PHF21A: variants seen among roughly 807,000 people sequenced by gnomAD.
PHF21A encodes PHD finger protein 21A.
A neutral mutation model predicts 82.5 loss-of-function variants in PHF21A; 11 were observed. The ratio of observed to expected loss-of-function variants is 0.13; its 90% CI spans 0.08 to 0.22. The LOEUF (loss-of-function observed/expected upper bound fraction) is 0.22. Ranked by LOEUF, PHF21A falls within the 10% of genes least tolerant of loss-of-function variation. PHF21A has a pLI of 1.00. For missense variants in PHF21A, 579 were observed against 837.8 expected, an observed-to-expected ratio of 0.69 and a Z score of 3.81; for synonymous variants, 297 against 302.8, an observed-to-expected ratio of 0.98 and a Z score of 0.20.
chr11:46,062,864 T>A (rs575003144), intron 6 of PHF21A, among the ~76,000 whole-genome samples: 1 of 152,306 alleles, frequency 6.6e-6, no homozygotes, highest in South Asian at 2.1e-4. Flanking sequence ...GACTTGGACA[T>A]GAATGTTCAA....
At chr11:45,972,430 T>C (rs999061969) in intron 7 of PHF21A, among the ~76,000 whole-genome samples, 1 of 152,180 alleles carries the variant, frequency 6.6e-6, no homozygotes, top group South Asian at 2.1e-4. Flanking sequence ...CCACCTTTAC[T>C]GTATATTTGC....
chr11:46,022,062 AACAAGAGAATG>A (rs1218434093), intron 6 of PHF21A, among the ~76,000 whole-genome samples: 3 of 152,250 alleles, frequency 2.0e-5, no homozygotes, highest in Non-Finnish European at 2.9e-5. Context: ...TAAGGAGAGG[AACAAGAGAATG>A]ACATAAAAGA....
At chr11:46,037,479 T>C (rs60602723) in intron 6 of PHF21A, among the ~76,000 whole-genome samples, 1 of 151,918 alleles carries the variant, frequency 6.6e-6, no homozygotes, top group Non-Finnish European at 1.5e-5. Flanking sequence ...CCGTCTCTAC[T>C]AAAAATAAAA....
chr11:45,990,498 G>A (rs779449360), intron 6 of PHF21A, among the ~76,000 whole-genome samples: 39 of 151,638 alleles, frequency 2.6e-4, no homozygotes, highest in Non-Finnish European at 4.6e-4. Flanking sequence ...GGACTCAAGC[G>A]ATCCACCCGC....
At chr11:45,961,468 A>G (rs1236333216) in intron 10 of PHF21A, among the ~76,000 whole-genome samples, 3 of 152,232 alleles carry the variant, frequency 2.0e-5, no homozygotes, top group Non-Finnish European at 4.4e-5. Context: ...CTGGTTGACT[A>G]ACAGGGAAAA....
At chr11:45,934,388 AC>A in intron 18 of PHF21A, 163 bp from the exon 19 acceptor site, 1 of 671,826 alleles carries the variant, frequency 1.5e-6, no homozygotes, top group Non-Finnish European at 2.5e-6. Flanking sequence ...GTGGGCGGCT[AC>A]CACCTAAGGA....
chr11:46,050,895 T>TG (rs2096353538), intron 6 of PHF21A, among the ~76,000 whole-genome samples: 1 of 152,200 alleles, frequency 6.6e-6, no homozygotes, highest in Non-Finnish European at 1.5e-5. Context: ...AGGCAGCTGC[T>TG]GGATTAACAT....
Position 45,934,624 on chromosome 11 carries a change from C to T in PHF21A, c.1789-399G>A, listed in dbSNP as rs1438770868. 4 of 228,144 alleles carry T rather than the reference C, an allele frequency of 1.8e-5. No individual in the cohort carries two copies. The South Asian group carries it at 1.8e-4, about 10-fold the overall frequency. 14.1% of individuals were successfully genotyped at this position (228,144 alleles called of 1,614,324 possible). On this transcript the variant is annotated intron_variant, in intron 18 of 18. Transcript: ENST00000676320. ...TTTTGATATGCTTCTGTCATGCTAACTGGGGAGCCTTCAGGACTGGACTGA... is the reference window on the plus strand; with the variant it reads ...TTTTGATATGCTTCTGTCATGCTAATTGGGGAGCCTTCAGGACTGGACTGA...
intron 1 of PHF21A, among the ~76,000 whole-genome samples, chr11:46,113,473 A>G (rs945656748): frequency 3.3e-5 from 5 of 152,250 alleles, no homozygotes; most frequent in Admixed American, 6.5e-5. Flanking sequence ...ATAATTTTTG[A>G]AATAGTTTTT....
intron 6 of PHF21A, among the ~76,000 whole-genome samples, chr11:46,035,417 T>G (rs1397793826): frequency 1.3e-5 from 2 of 151,900 alleles, no homozygotes; most frequent in Non-Finnish European, 2.9e-5. Flanking sequence ...TAGTATGTTT[T>G]GACTCTGTTG....
At chr11:46,003,324 T>C (rs1233066136) in intron 6 of PHF21A, among the ~76,000 whole-genome samples, 11 of 151,982 alleles carry the variant, frequency 7.2e-5, no homozygotes, top group Admixed American at 7.2e-4. Flanking sequence ...TCACACCATC[T>C]ATGTGTCTAG....
intron 6 of PHF21A, among the ~76,000 whole-genome samples, chr11:46,001,265 G>A (rs1252826212): frequency 4.0e-5 from 6 of 151,516 alleles, no homozygotes; most frequent in Non-Finnish European, 8.8e-5. Flanking sequence ...TCAAGGTTAA[G>A]TCAAAGGTTC....
intron 6 of PHF21A, among the ~76,000 whole-genome samples, chr11:46,039,324 A>T (rs1428968184): frequency 6.6e-6 from 1 of 152,162 alleles, no homozygotes; most frequent in African/African-American, 2.4e-5. Context: ...GATTCTCTTC[A>T]TAGAACTGGT....
At chr11:46,095,409 A>G (rs1054124013) in intron 1 of PHF21A, among the ~76,000 whole-genome samples, 3 of 152,240 alleles carry the variant, frequency 2.0e-5, no homozygotes, top group Non-Finnish European at 2.9e-5. Context: ...AATTTTAACC[A>G]TATTTGCTTA....
At chr11:46,048,709 G>A (rs2096295336) in intron 6 of PHF21A, among the ~76,000 whole-genome samples, 1 of 152,078 alleles carries the variant, frequency 6.6e-6, no homozygotes, top group Non-Finnish European at 1.5e-5. Context: ...GGCAGAGGCT[G>A]CAGGGAGTCA....
chr11:46,023,569 GGTTA>G (rs2095673539), intron 6 of PHF21A, among the ~76,000 whole-genome samples: 1 of 152,194 alleles, frequency 6.6e-6, no homozygotes, highest in Non-Finnish European at 1.5e-5. Flanking sequence ...CTGAAAAAGA[GGTTA>G]GTAAGTTTAC....
At chr11:45,959,775 GA>G (rs1340520762) in intron 10 of PHF21A, among the ~76,000 whole-genome samples, 1 of 152,158 alleles carries the variant, frequency 6.6e-6, no homozygotes, top group Non-Finnish European at 1.5e-5. Context: ...CGGAACAGGA[GA>G]AAATATTTGC....
rs2093005522 is a variant in PHF21A at position 45,960,489 on chromosome 11, T to C, written c.996+4826A>G. 1.3e-5 allele frequency among the ~76,000 whole-genome samples: 2 copies of C among 152,148 alleles called. 1 individual carries two copies. The highest frequency in any genetic ancestry group is 4.1e-4 in the South Asian group (2 of 4,830). ...ATGTATATGAAATATCCAGAACAGG[T>C]ACATCTATGGAGACAGAAAGCAGAC... On this transcript the variant is annotated intron_variant, in intron 10 of 18. Transcript: ENST00000676320.
At chr11:45,971,893 T>TC (rs1555026010) in intron 7 of PHF21A, among the ~76,000 whole-genome samples, 13,508 of 91,344 alleles carry the variant, frequency 0.15, 4,810 homozygotes, top group East Asian at 0.61. Flanking sequence ...TTTCTTTCTT[T>TC]TTTTTTTTTT....
Sources: allele counts gnomAD v4.1 joint callset (sites outside exome capture counted in the v4.1 genomes callset), GRCh38; gene constraint gnomAD v4.1.1; transcripts MANE v1.5; gene names NCBI Gene and HGNC (gene_info 2026-07-23, HGNC 2026-07-21).